The following PEX5L variants were observed in gnomAD, a reference collection of about 807,000 sequenced individuals.
PEX5L encodes PEX5-related protein.
Under a neutral mutation model 84.0 loss-of-function variants are expected in PEX5L, and 30 were observed. The ratio of observed to expected loss-of-function variants is 0.36; its 90% CI spans 0.27 to 0.48. The LOEUF is 0.48. Ranked by LOEUF, PEX5L falls within the 20% of genes least tolerant of loss-of-function variation. The pLI, the probability that PEX5L is intolerant of heterozygous loss-of-function variation, is 0.99. For synonymous variants in PEX5L, 270 were observed against 283.1 expected (o/e 0.95, Z 0.46); for missense variants, 533 against 754.6 (o/e 0.71, Z 3.44).
In PEX5L at chr3:180,008,369, C is replaced by T. The variant is rs555691866; in HGVS notation, c.21+28210G>A. Among the ~76,000 whole-genome samples the T allele has an allele frequency of 1.8e-4, 28 of 152,280 alleles. 2 individuals are homozygous for T. The highest frequency in any genetic ancestry group is 4.1e-4 in the South Asian group (2 of 4,824). ...TCCATATTGCTATCGGCATTTTGGG[C>T]GAAGCCATTCAACAAGTCTCTAGGA... On this transcript the variant is annotated intron_variant, in intron 1 of 14. Transcript: ENST00000467460.
chr3:180,006,506 T>C (rs561283860), intron 1 of PEX5L, among the ~76,000 whole-genome samples: 1 of 152,324 alleles, frequency 6.6e-6, no homozygotes, highest in Non-Finnish European at 1.5e-5. Context: ...TGAGGGCTTC[T>C]GGGAAGGAGA....
intron 7 of PEX5L, among the ~76,000 whole-genome samples, chr3:179,865,664 G>A (rs1747857856): frequency 1.3e-5 from 2 of 152,122 alleles, no homozygotes; most frequent in Admixed American, 1.3e-4. Context: ...CATTTGAGTT[G>A]CAGTTGTTTT....
chr3:179,844,036 G>A (rs1379097634), intron 8 of PEX5L, among the ~76,000 whole-genome samples: 1 of 152,228 alleles, frequency 6.6e-6, no homozygotes. Context: ...TCTGGAACCA[G>A]AGGAAGCTAG....
intron 1 of PEX5L, among the ~76,000 whole-genome samples, chr3:179,995,306 T>C (rs1009627017): frequency 6.6e-6 from 1 of 151,202 alleles, no homozygotes; most frequent in East Asian, 1.9e-4. Context: ...CAAATACAGA[T>C]CTTGGTAACA....
intron 8 of PEX5L, among the ~76,000 whole-genome samples, chr3:179,845,669 A>G (rs1466906696): frequency 6.6e-6 from 1 of 152,212 alleles, no homozygotes; most frequent in Non-Finnish European, 1.5e-5. Context: ...GGAAAAGTGC[A>G]AATGTGGTTT....
chr3:179,995,108 C>T (rs141811002), intron 1 of PEX5L, among the ~76,000 whole-genome samples: 1 of 146,554 alleles, frequency 6.8e-6, no homozygotes, highest in East Asian at 2.0e-4. Context: ...TATACACACA[C>T]TATATATACT....
rs80006652 is a variant in PEX5L, at chr3:180,010,654, A to C, written c.21+25925T>G. ...CTTACTTTTAAGGCAAATGAAATGA[A>C]AAGGTATCTAAAACTGCTCTTCTTC... On this transcript the variant is annotated intron_variant, in intron 1 of 14. Transcript: ENST00000467460. Among the ~76,000 whole-genome samples, 1,409 of 151,978 alleles carry C rather than the reference A, an allele frequency of 9.3e-3. 10 individuals are homozygous for C. The highest frequency in any genetic ancestry group is 0.02 in the South Asian group (94 of 4,794).
chr3:179,851,572 A>G (rs1306296482), intron 8 of PEX5L, among the ~76,000 whole-genome samples: 2 of 152,206 alleles, frequency 1.3e-5, no homozygotes, highest in African/African-American at 4.8e-5. Context: ...CCATGTTCTT[A>G]TAACAGTAAT....
At chr3:180,000,327 A>C (rs1488802970) in intron 1 of PEX5L, among the ~76,000 whole-genome samples, 1 of 152,190 alleles carries the variant, frequency 6.6e-6, no homozygotes, top group African/African-American at 2.4e-5. Flanking sequence ...CTACTCCACA[A>C]TGGAGGTAAG....
intron 1 of PEX5L, among the ~76,000 whole-genome samples, chr3:180,017,237 C>T (rs777432538): frequency 2.4e-4 from 37 of 152,112 alleles, no homozygotes; most frequent in Non-Finnish European, 4.3e-4. Flanking sequence ...GTTTACACAT[C>T]CCCAGACGGA....
At chr3:179,879,101 C>T (rs1290297470) in intron 5 of PEX5L, among the ~76,000 whole-genome samples, 2 of 152,144 alleles carry the variant, frequency 1.3e-5, no homozygotes, top group Non-Finnish European at 2.9e-5. Context: ...AATGTATATA[C>T]AATATTCACC....
intron 1 of PEX5L, among the ~76,000 whole-genome samples, chr3:180,032,051 A>T (rs958861460): frequency 6.6e-6 from 1 of 152,222 alleles, no homozygotes; most frequent in African/African-American, 2.4e-5. Flanking sequence ...AGATTTTCAG[A>T]TTAATCAAGT....
At chr3:180,026,166 A>G (rs534028426) in intron 1 of PEX5L, among the ~76,000 whole-genome samples, 4 of 141,942 alleles carry the variant, frequency 2.8e-5, no homozygotes, top group Non-Finnish European at 6.0e-5. Flanking sequence ...CAATTTGGGA[A>G]TAGGCAATTA....
intron 8 of PEX5L, chr3:179,820,687 C>CA (rs1431433682): frequency 6.6e-6 from 1 of 152,214 alleles, no homozygotes; most frequent in Admixed American, 6.5e-5. Flanking sequence ...TAAGGGAAAT[C>CA]AGGCTGTTTA....
chr3:179,958,011 TTCTC>T (rs780515051), intron 2 of PEX5L, among the ~76,000 whole-genome samples: 2 of 152,046 alleles, frequency 1.3e-5, no homozygotes, highest in African/African-American at 2.4e-5. Context: ...TCTCTATTTC[TTCTC>T]TCTCTCCCTC....
At chr3:179,953,056 A>G (rs2109988766) in intron 2 of PEX5L, among the ~76,000 whole-genome samples, 1 of 152,318 alleles carries the variant, frequency 6.6e-6, no homozygotes, top group East Asian at 1.9e-4. Context: ...CATATGCAGA[A>G]AACTGAAACT....
At chr3:179,826,415 T>C (rs1160690388) in intron 8 of PEX5L, among the ~76,000 whole-genome samples, 3 of 152,338 alleles carry the variant, frequency 2.0e-5, no homozygotes, top group African/African-American at 7.2e-5. Flanking sequence ...ATTATATCTG[T>C]GTTCTTGGCT....
At chr3:179,990,439 C>T (rs1366012226) in intron 1 of PEX5L, among the ~76,000 whole-genome samples, 1 of 151,892 alleles carries the variant, frequency 6.6e-6, no homozygotes, top group East Asian at 1.9e-4. Flanking sequence ...TGCTCTGTTG[C>T]CCAGGCTAGA....
intron 1 of PEX5L, among the ~76,000 whole-genome samples, chr3:180,028,141 T>C (rs1409304145): frequency 2.6e-5 from 4 of 152,240 alleles, no homozygotes; most frequent in Non-Finnish European, 5.9e-5. Flanking sequence ...ATTCCCATAC[T>C]GCCTTCCTCC....
Sources: allele counts gnomAD v4.1 joint callset (sites outside exome capture counted in the v4.1 genomes callset), GRCh38; gene constraint gnomAD v4.1.1; transcripts MANE v1.5; gene names NCBI Gene and HGNC (gene_info 2026-07-23, HGNC 2026-07-21).